Variants in TLN2 observed in about 807,000 individuals in gnomAD.
TLN2 encodes talin-2.
Under a neutral mutation model 294.7 loss-of-function variants are expected in TLN2, and 118 were observed. That is an observed-to-expected ratio of 0.40 (90% confidence interval 0.34 to 0.47). The LOEUF (loss-of-function observed/expected upper bound fraction) is 0.47, where lower values mean the gene tolerates loss of function less well. Ranked by LOEUF, TLN2 falls within the 20% of genes least tolerant of loss-of-function variation. The probability of loss-of-function intolerance (pLI) is 0.84; values close to 1 mark genes in which losing one functional copy is unlikely to be tolerated. For missense variants in TLN2, 3,083 were observed against 3,282.2 expected (o/e 0.94, Z 1.48); for synonymous variants, 1,431 against 1,304.5 (o/e 1.10, Z -2.09).
intron 57 of TLN2, among the ~76,000 whole-genome samples, chr15:62,838,485 T>C (rs568912215): frequency 6.6e-6 from 1 of 152,316 alleles, no homozygotes; most frequent in African/African-American, 2.4e-5. Flanking sequence ...CTAAATCAGA[T>C]GGAGGCAGGC....
intron 12 of TLN2, 22 bp from the exon 13 acceptor site, chr15:62,692,818 T>C: frequency 6.3e-7 from 1 of 1,599,538 alleles, no homozygotes; most frequent in African/African-American, 1.3e-5. Context: ...TGGCTATATT[T>C]CCTCCATTGC....
chr15:62,765,915 A>G (rs2062971388), intron 40 of TLN2, among the ~76,000 whole-genome samples: 1 of 152,168 alleles, frequency 6.6e-6, no homozygotes, highest in African/African-American at 2.4e-5. Context: ...AGGGGTTATT[A>G]GTTCTGAGAA....
intron 28 of TLN2, among the ~76,000 whole-genome samples, chr15:62,731,592 G>GT (rs911564706): frequency 8.5e-5 from 13 of 152,108 alleles, no homozygotes; most frequent in African/African-American, 1.7e-4. Context: ...GGGCTATTCT[G>GT]TTTTTTTGGG....
chr15:62,493,148 G>C (rs1258765601), intron 1 of TLN2, among the ~76,000 whole-genome samples: 1 of 152,204 alleles, frequency 6.6e-6, no homozygotes. Context: ...TCTGGTCCCT[G>C]AACAGCTGTC....
chr15:62,603,760 A>G (rs1450489584), intron 2 of TLN2, among the ~76,000 whole-genome samples: 2 of 152,244 alleles, frequency 1.3e-5, no homozygotes, highest in African/African-American at 4.8e-5. Context: ...ATAGAGAAGG[A>G]CATTTCGGTG....
At chr15:62,642,037 A>G (rs1331124004) in intron 3 of TLN2, among the ~76,000 whole-genome samples, 4 of 152,352 alleles carry the variant, frequency 2.6e-5, no homozygotes, top group Non-Finnish European at 5.9e-5. Flanking sequence ...TAACAGGACA[A>G]TGTCTGGGTT....
chr15:62,397,372 C>T lies in TLN2; in HGVS notation c.-238+6687C>T, dbSNP rs537405892. Among the ~76,000 whole-genome samples, 225 of 152,322 alleles carry T rather than the reference C, an allele frequency of 1.5e-3. 1 individual carries two copies. The highest frequency in any genetic ancestry group is 2.6e-3 in the Non-Finnish European group (176 of 68,026). ...TCCCGGGCTCAAGTGATCCTCCTGCCTCGGCCTCCTGTGAAACTGTGGCTA... is the reference window on the plus strand; with the variant it reads ...TCCCGGGCTCAAGTGATCCTCCTGCTTCGGCCTCCTGTGAAACTGTGGCTA... On this transcript the variant is annotated intron_variant, in intron 1 of 58. Transcript: ENST00000636159.
chr15:62,603,463 T>G (rs983568197), intron 2 of TLN2, among the ~76,000 whole-genome samples: 1 of 152,134 alleles, frequency 6.6e-6, no homozygotes. Flanking sequence ...GAGTCCTCAC[T>G]CCTTTGTGTA....
At chr15:62,630,484 C>G (rs1596400537) in intron 3 of TLN2, among the ~76,000 whole-genome samples, 1 of 152,300 alleles carries the variant, frequency 6.6e-6, no homozygotes, top group East Asian at 1.9e-4. Context: ...GAGCACATAA[C>G]TCAGAGGAGG....
chr15:62,537,962 C>T (rs1361271972), intron 1 of TLN2, among the ~76,000 whole-genome samples: 1 of 152,214 alleles, frequency 6.6e-6, no homozygotes, highest in Non-Finnish European at 1.5e-5. Flanking sequence ...TGGCTCACGT[C>T]TGTAATCGCA....
chr15:62,532,010 A>G (rs1184343465), intron 1 of TLN2, among the ~76,000 whole-genome samples: 1 of 151,372 alleles, frequency 6.6e-6, no homozygotes, highest in African/African-American at 2.4e-5. Flanking sequence ...AATATCGCAC[A>G]CTGGGAATAA....
intron 11 of TLN2, among the ~76,000 whole-genome samples, chr15:62,679,836 A>G (rs1358269260): frequency 6.6e-6 from 1 of 152,206 alleles, no homozygotes; most frequent in Non-Finnish European, 1.5e-5. Context: ...CATTACATGT[A>G]CTTGTGTGTG....
At chr15:62,740,425 C>T (rs560303990) in intron 31 of TLN2, 1 of 570,764 alleles carries the variant, frequency 1.8e-6, no homozygotes, top group East Asian at 3.0e-5. Flanking sequence ...TTCCCTGTGG[C>T]ATGCATCTTG....
At chr15:62,399,729 C>T (rs2032877981) in intron 1 of TLN2, among the ~76,000 whole-genome samples, 1 of 152,214 alleles carries the variant, frequency 6.6e-6, no homozygotes, top group Non-Finnish European at 1.5e-5. Context: ...TTATTTTGGC[C>T]AATTTCTCCT....
intron 1 of TLN2, among the ~76,000 whole-genome samples, chr15:62,454,052 G>C (rs1318266833): frequency 2.0e-5 from 3 of 152,192 alleles, no homozygotes; most frequent in Non-Finnish European, 4.4e-5. Flanking sequence ...GGCCCCTGTG[G>C]CTCAGAGGAG....
chr15:62,480,254 C>T (rs1006130754), intron 1 of TLN2, among the ~76,000 whole-genome samples: 10 of 152,216 alleles, frequency 6.6e-5, no homozygotes, highest in African/African-American at 2.4e-4. Flanking sequence ...CACTCTGTCG[C>T]CCAGGCTGGA....
chr15:62,705,683 T>G (rs1233176163), intron 19 of TLN2, among the ~76,000 whole-genome samples: 2 of 152,246 alleles, frequency 1.3e-5, no homozygotes, highest in Non-Finnish European at 2.9e-5. Context: ...TTTTAATAAT[T>G]TGTGACATTC....
chr15:62,616,323 C>T (rs2048313906), intron 2 of TLN2, among the ~76,000 whole-genome samples: 1 of 152,170 alleles, frequency 6.6e-6, no homozygotes, highest in Non-Finnish European at 1.5e-5. Flanking sequence ...TCCTGTAGAG[C>T]CCGAGGATGT....
rs548467519 is a variant in TLN2, at chr15:62,539,661, T to C, written c.-237-50026T>C. Among the ~76,000 whole-genome samples the C allele has an allele frequency of 2.6e-5, 4 of 152,176 alleles. No homozygotes were observed. The South Asian group carries it at 8.3e-4, about 32-fold the overall frequency. On this transcript the variant is annotated intron_variant, in intron 1 of 58. Transcript: ENST00000636159. ...AGTTCCAGTGCCTGGTGGGGCCGGGTGGGTAACCCGAGGGGCTCATTATCT... is the reference window on the plus strand; with the variant it reads ...AGTTCCAGTGCCTGGTGGGGCCGGGCGGGTAACCCGAGGGGCTCATTATCT...
Sources: gnomAD v4.1 joint callset for allele counts (sites outside exome capture counted in the v4.1 genomes callset) on GRCh38, gnomAD v4.1.1 for gene constraint, MANE v1.5 for transcripts, NCBI Gene and HGNC (gene_info 2026-07-23, HGNC 2026-07-21) for gene names.